The following OXSR1 variants were observed in gnomAD, a reference collection of about 807,000 sequenced individuals.
The protein encoded by OXSR1 is serine/threonine-protein kinase OSR1.
In OXSR1, 24 loss-of-function variants were observed where a neutral mutation model predicts 79.8. The observed-to-expected ratio is 0.30, with a 90% CI of 0.22 to 0.42. The LOEUF is 0.42. Among genes scored for constraint, OXSR1 ranks in the 10% least tolerant of loss-of-function variants. OXSR1 has a pLI of 1.00. For missense variants in OXSR1, 430 were observed against 618.4 expected (o/e 0.70, Z 3.23); for synonymous variants, 226 against 209.2 (o/e 1.08, Z -0.69).
intron 14 of OXSR1, among the ~76,000 whole-genome samples, chr3:38,248,338 G>GCCCCCCCC (rs34969862): frequency 5.7e-5 from 4 of 69,604 alleles, no homozygotes; most frequent in African/African-American, 1.1e-4. Context: ...TCCCTGCCCC[G>GCCCCCCCC]CCCCCCCCGC....
chr3:38,199,797 C>T (rs1401564309), intron 4 of OXSR1, among the ~76,000 whole-genome samples: 1 of 152,098 alleles, frequency 6.6e-6, no homozygotes, highest in Non-Finnish European at 1.5e-5. Context: ...GGGCCGGTTG[C>T]TGCCAAGTGG....
rs1384878495 is a variant in OXSR1, at chr3:38,251,470, A to G, written c.1443A>G (p.Ile481Met). 1 of 1,608,496 alleles carries G rather than the reference A, an allele frequency of 6.2e-7. No homozygotes were observed. ...AGLVDGRDLVIVAANLQKIVE... is the reference protein window; with the variant it reads ...AGLVDGRDLVMVAANLQKIVE... ...TGGTCGACGGAAGGGATTTAGTAAT[A>G]GGTAACTCCATTGCGTTCTGCTCAT... Residue 481 changes from isoleucine (I) to methionine (M), a missense_variant and splice_region_variant, in exon 16 of 18, where the codon ATA becomes ATG. Ile to Met is a conservative substitution (Grantham distance 10). Around this residue, in one of 3 missense-constraint regions of OXSR1, gnomAD observed 276 missense variants for 354.2 expected, o/e 0.78. Coordinates refer to ENST00000311806, the MANE Select transcript of OXSR1 (RefSeq NM_005109.3).
At chr3:38,179,307 G>C (rs1041344285) in intron 1 of OXSR1, among the ~76,000 whole-genome samples, 1 of 152,084 alleles carries the variant, frequency 6.6e-6, no homozygotes, top group Non-Finnish European at 1.5e-5. Context: ...TGGGATTACA[G>C]ACATGAGCTC....
intron 1 of OXSR1, among the ~76,000 whole-genome samples, chr3:38,173,155 A>G (rs573264588): frequency 3.6e-4 from 55 of 152,376 alleles, no homozygotes; most frequent in African/African-American, 1.3e-3. Flanking sequence ...GGCAGACTGC[A>G]AAATGAAGCT....
intron 4 of OXSR1, among the ~76,000 whole-genome samples, chr3:38,210,615 C>T (rs961108848): frequency 1.3e-5 from 2 of 152,052 alleles, no homozygotes; most frequent in Non-Finnish European, 2.9e-5. Flanking sequence ...CCACACTGAG[C>T]CTCCAGACAT....
chr3:38,189,471 A>G (rs896395024), intron 2 of OXSR1, among the ~76,000 whole-genome samples: 1 of 152,186 alleles, frequency 6.6e-6, no homozygotes, highest in Non-Finnish European at 1.5e-5. Flanking sequence ...GGGTTGCAAG[A>G]TATGTATGGC....
At chr3:38,234,474 C>A (rs966579131) in intron 10 of OXSR1, among the ~76,000 whole-genome samples, 1 of 152,056 alleles carries the variant, frequency 6.6e-6, no homozygotes, top group African/African-American at 2.4e-5. Flanking sequence ...ACATAAATGG[C>A]CAATAAACAC....
At chr3:38,167,351 C>T (rs569155033) in intron 1 of OXSR1, among the ~76,000 whole-genome samples, 4 of 152,178 alleles carry the variant, frequency 2.6e-5, no homozygotes, top group Admixed American at 6.5e-5. Context: ...AACCCAGTGA[C>T]CTTGGAAATC....
In OXSR1 at chr3:38,239,025, G is replaced by T. The variant is rs1251385896; in HGVS notation, c.1074+2064G>T. Among the ~76,000 whole-genome samples the T allele has an allele frequency of 3.3e-5, 5 of 151,960 alleles. No homozygotes were observed. In the East Asian group the frequency reaches 9.6e-4, roughly 29 times the overall value. On this transcript the variant is annotated intron_variant, in intron 11 of 17. Transcript: ENST00000311806. ...GTGTAGTTTTTATGGTAGCTTTCAAGTTTATTTATCTTCTGCAATATCTAA... is the reference window on the plus strand; with the variant it reads ...GTGTAGTTTTTATGGTAGCTTTCAATTTTATTTATCTTCTGCAATATCTAA...
chr3:38,240,715 C>T (rs1445899357), intron 11 of OXSR1, among the ~76,000 whole-genome samples: 1 of 144,134 alleles, frequency 6.9e-6, no homozygotes, highest in East Asian at 2.0e-4. Flanking sequence ...AAAAAAAAAA[C>T]AACTCATAAG....
chr3:38,165,635 G>A lies in OXSR1; in HGVS notation c.-242G>A, dbSNP rs1401090634. 1.2e-5 allele frequency: 6 copies of A among 505,374 alleles called. No homozygotes were observed. Among genetic ancestry groups the A allele is most frequent in the Non-Finnish European group, 2.1e-5 (6 of 287,148 alleles). 31.3% of individuals were successfully genotyped at this position (505,374 alleles called of 1,614,324 possible). On this transcript the variant is annotated 5_prime_UTR_variant, in exon 1 of 18. Transcript: ENST00000311806. ...TGCGGAGGCCGAGGACAGGACGTGG[G>A]CTGGGCCGGGCAGTGCCGGACTCGG...
intron 2 of OXSR1, among the ~76,000 whole-genome samples, chr3:38,185,946 CAAAAAAAAAAAAAAAA>C (rs71085304): frequency 2.3e-3 from 73 of 32,134 alleles, no homozygotes; most frequent in African/African-American, 8.8e-3. Flanking sequence ...GGCCCTGTCT[CAAAAAAAAAAAAAAAA>C]AAAAAAAAAA....
intron 2 of OXSR1, among the ~76,000 whole-genome samples, chr3:38,185,357 G>C (rs1273121629): frequency 6.6e-6 from 1 of 152,008 alleles, no homozygotes; most frequent in African/African-American, 2.4e-5. Flanking sequence ...GGCCAAGGCG[G>C]GTGGATCACT....
At chr3:38,217,335 A>G (rs191890563) in intron 5 of OXSR1, among the ~76,000 whole-genome samples, 95 of 152,230 alleles carry the variant, frequency 6.2e-4, no homozygotes, top group Admixed American at 1.6e-3. Context: ...AATTGGTACA[A>G]CCATTTCATT....
rs967957129 is a variant in OXSR1 at position 38,253,292 on chromosome 3, C to T, written c.*401C>T. The T allele has an allele frequency of 4.9e-5, 9 of 183,734 alleles. No homozygotes were observed. Among genetic ancestry groups the T allele is most frequent in the Non-Finnish European group, 1.0e-4 (9 of 87,960 alleles). 11.4% of individuals were successfully genotyped at this position (183,734 alleles called of 1,614,324 possible). A position where few individuals can be genotyped will look rare whatever the true frequency, so the allele number is the denominator to read the frequency against. On this transcript the variant is annotated 3_prime_UTR_variant, in exon 18 of 18. Transcript: ENST00000311806. Reference sequence around the variant, plus strand: ...TCCCCCACACCTGCCAGGATATGGACATCTTGGGATATCTCTTTACCACTG... The same window carrying T: ...TCCCCCACACCTGCCAGGATATGGATATCTTGGGATATCTCTTTACCACTG...
At chr3:38,181,640 A>G (rs1433020481) in intron 1 of OXSR1, among the ~76,000 whole-genome samples, 1 of 152,122 alleles carries the variant, frequency 6.6e-6, no homozygotes, top group Non-Finnish European at 1.5e-5. Flanking sequence ...GTGAGCCACC[A>G]TGCCCGGCCT....
intron 1 of OXSR1, among the ~76,000 whole-genome samples, chr3:38,175,673 A>T (rs534100978): frequency 1.3e-5 from 2 of 152,352 alleles, no homozygotes; most frequent in African/African-American, 2.4e-5. Context: ...AGTCCTGCTC[A>T]TGCTTGGGCA....
chr3:38,224,491 C>T, intron 7 of OXSR1, 80 bp from the exon 8 acceptor site: 2 of 1,059,416 alleles, frequency 1.9e-6, no homozygotes, highest in Admixed American at 5.3e-5. Flanking sequence ...CGGGGGGTGC[C>T]TGTATTGAAA....
Position 38,183,076 on chromosome 3 carries a change from A to G in OXSR1, c.144A>G (p.Ile48Met). The change falls in exon 2 of 18, where the codon ATA (isoleucine) becomes ATG (methionine). Residue 48 changes from isoleucine to methionine, a missense_variant. Ile to Met is a conservative substitution (Grantham distance 10). This residue lies in a region of OXSR1 where 145 missense variants were observed against 228.3 expected (regional missense o/e 0.64). Transcript: ENST00000311806. ...PKKEKVAIKR[I>M]NLEKCQTSMD... ...AGGAGAAAGTGGCAATCAAACGGAT[A>G]AACCTTGAGAAATGTCAAACTAGCA... The G allele has an allele frequency of 1.2e-6, 2 of 1,612,450 alleles. No homozygotes were observed. Among genetic ancestry groups the G allele is most frequent in the Non-Finnish European group, 1.7e-6 (2 of 1,178,996 alleles).
Sources: gnomAD v4.1 joint callset for allele counts (sites outside exome capture counted in the v4.1 genomes callset) on GRCh38, gnomAD v4.1.1 for gene constraint, gnomAD v4.1.1 regional missense constraint, MANE v1.5 for transcripts, NCBI Gene and HGNC (gene_info 2026-07-23, HGNC 2026-07-21) for gene names.